The following FXYD7 variants were observed in gnomAD, a reference collection of about 807,000 sequenced individuals.
FXYD7 encodes FXYD domain-containing ion transport regulator 7.
A neutral mutation model predicts 15.3 loss-of-function variants in FXYD7; 7 were observed. The observed-to-expected ratio is 0.46, with a 90% CI of 0.26 to 0.86. FXYD7 has a LOEUF of 0.86. Among genes scored for constraint, FXYD7 ranks in the 40% least tolerant of loss-of-function variants. The pLI is 0.16. For synonymous variants in FXYD7, 39 were observed against 39.3 expected (o/e 0.99, Z 0.03); for missense variants, 78 against 100.6 (o/e 0.78, Z 0.96).
chr19:35,148,614 A>C, intron 1 of FXYD7, 80 bp from the exon 2 acceptor site: 2 of 1,243,348 alleles, frequency 1.6e-6, no homozygotes, highest in Non-Finnish European at 1.1e-6. Flanking sequence ...CAGTGGCTCC[A>C]TCTGGATCCT....
At chr19:35,149,338 G>C in intron 2 of FXYD7, 1 of 325,950 alleles carries the variant, frequency 3.1e-6, no homozygotes, top group South Asian at 2.6e-5. Context: ...GGACCTTTGC[G>C]TGTGCTATGA....
chr19:35,148,557 C>T (rs2065298597), intron 1 of FXYD7, 137 bp from the exon 2 acceptor site: 2 of 721,720 alleles, frequency 2.8e-6, no homozygotes, highest in African/African-American at 3.6e-5. Flanking sequence ...GCCACATCAT[C>T]CAAACCAAGG....
In FXYD7 at chr19:35,153,974, G is replaced by C. The variant is rs1390915685; in HGVS notation, c.*58G>C. 16 of 1,561,634 alleles carry C rather than the reference G, an allele frequency of 1.0e-5. No individual in the cohort carries two copies. The highest frequency in any genetic ancestry group is 1.4e-5 in the African/African-American group (1 of 73,732). On this transcript the variant is annotated 3_prime_UTR_variant, in exon 6 of 6. Coordinates refer to ENST00000270310, the MANE Select transcript of FXYD7 (RefSeq NM_022006.2). ...GCCTGAGCGCGGGAGCCTGAGGACC[G>C]GGTGGAGGCGGTGGGGACCCAGCCG...
chr19:35,146,446 A>G (rs1387835855), intron 1 of FXYD7, among the ~76,000 whole-genome samples: 4 of 152,282 alleles, frequency 2.6e-5, no homozygotes, highest in Admixed American at 1.3e-4. Flanking sequence ...TGGAAAATTC[A>G]TCTTCTTTTT....
chr19:35,151,703 A>T, intron 5 of FXYD7, 30 bp downstream of exon 5: 1 of 1,457,640 alleles, frequency 6.9e-7, no homozygotes, highest in South Asian at 1.1e-5. Context: ...TGGTTCTGGG[A>T]GAGTTTTAGG....
chr19:35,151,234 T>C lies in FXYD7; in HGVS notation c.62-20T>C, dbSNP rs2145398752. 2.0e-6 allele frequency: 3 copies of C among 1,518,390 alleles called. No homozygotes were observed. The highest frequency in any genetic ancestry group is 2.2e-5 in the East Asian group (1 of 44,474). The allele number at this position is 1,518,390 out of a possible 1,614,324, so 94.1% of individuals were successfully genotyped here. On this transcript the variant is annotated intron_variant, in intron 2 of 5. Coordinates refer to ENST00000270310, the MANE Select transcript of FXYD7 (RefSeq NM_022006.2). ...CCAAGGTGCTGTCCCTGCCTCGATG[T>C]CCCCCATTATCTTCCCCAGACTACA...
At chr19:35,151,575 C>T (rs372801986) in intron 4 of FXYD7, 58 bp from the exon 5 acceptor site, 18 of 1,596,122 alleles carry the variant, frequency 1.1e-5, no homozygotes, top group African/African-American at 4.0e-5. Flanking sequence ...GCGTTTTCCC[C>T]AAAGCCTATG....
chr19:35,148,879 A>C lies in FXYD7; in HGVS notation c.61+156A>C, dbSNP rs377289031. On this transcript the variant is annotated intron_variant, in intron 2 of 5. Transcript: ENST00000270310. The stretch of plus-strand genomic sequence containing the variant: ...GGTGTGGTTCACATCAGCTGAGTTC[A>C]TGGAGGGCAGAACCAGATGGGGGAG... 5.4e-4 allele frequency: 415 copies of C among 772,826 alleles called. 1 individual carries two copies. In the African/African-American group the frequency reaches 5.6e-3, roughly 10 times the overall value. The allele number at this position is 772,826 out of a possible 1,614,324, so 47.9% of individuals were successfully genotyped here.
chr19:35,154,065 G>A lies in FXYD7; in HGVS notation c.*149G>A. On this transcript the variant is annotated 3_prime_UTR_variant, in exon 6 of 6. Coordinates refer to ENST00000270310, the MANE Select transcript of FXYD7 (RefSeq NM_022006.2). ...CCCAAGGCTGGAGCCGCTGCACCCT[G>A]CTGTCCCTCTCCAGGCCTTGGCAAT... is the stretch of plus-strand genomic sequence containing the variant. 3.0e-6 allele frequency: 2 copies of A among 676,716 alleles called. No homozygotes were observed. The highest frequency in any genetic ancestry group is 3.5e-5 in the South Asian group (2 of 57,374). The allele number at this position is 676,716 out of a possible 1,614,324, so 41.9% of individuals were successfully genotyped here. A position where few individuals can be genotyped will look rare whatever the true frequency, so the allele number is the denominator to read the frequency against.
chr19:35,143,342 C>T lies in FXYD7; in HGVS notation c.9C>T (p.Thr3=). MA[T]PTQTPTKAPE... ...CCCTGCTCCGGCCCAGCATGGCGAC[C>T]CCGACCCAGACCCCCACAAAGGGTG... Residue 3 remains threonine (T), a synonymous_variant, in exon 1 of 6, where the codon ACC becomes ACT. Transcript: ENST00000270310. The surrounding 1 kb of genome is among the most constrained non-coding windows in gnomAD (Gnocchi z 4.3). 1 of 1,528,914 alleles carries T rather than the reference C, an allele frequency of 6.5e-7. No individual in the cohort carries two copies. Among genetic ancestry groups the T allele is most frequent in the Middle Eastern group, 1.7e-4 (1 of 5,790 alleles). 94.7% of individuals were successfully genotyped at this position (1,528,914 alleles called of 1,614,324 possible).
At chr19:35,144,454 G>C (rs937185365) in intron 1 of FXYD7, among the ~76,000 whole-genome samples, 2 of 152,320 alleles carry the variant, frequency 1.3e-5, no homozygotes, top group Admixed American at 6.5e-5. Context: ...GCAAGGCACA[G>C]ACTGCTTCAA....
chr19:35,148,310 AG>A lies in FXYD7; in HGVS notation c.32-383del, dbSNP rs988368108. On this transcript the variant is annotated intron_variant, in intron 1 of 5. Coordinates refer to ENST00000270310, the MANE Select transcript of FXYD7 (RefSeq NM_022006.2). ...AAGCTGAGACATTCATTGGTTCACC[AG>A]TGGAAATGGGGTCTGTTTTAACCTC... is the stretch of plus-strand genomic sequence containing the variant. Among the ~76,000 whole-genome samples, 74 of 152,318 alleles carry A rather than the reference AG, an allele frequency of 4.9e-4. 1 individual carries two copies. The highest frequency in any genetic ancestry group is 3.4e-3 in the Middle Eastern group (1 of 294).
chr19:35,144,870 C>CG (rs2145394015), intron 1 of FXYD7, among the ~76,000 whole-genome samples: 1 of 152,138 alleles, frequency 6.6e-6, no homozygotes, highest in East Asian at 1.9e-4. Context: ...CGGGAAACCC[C>CG]GGGGGAGGAA....
intron 5 of FXYD7, among the ~76,000 whole-genome samples, chr19:35,152,163 G>GAAAAAAAAAAAAAAA (rs1555737446): frequency 9.9e-6 from 1 of 100,888 alleles, no homozygotes; most frequent in Non-Finnish European, 2.0e-5. Context: ...AAAGAGGAAG[G>GAAAAAAAAAAAAAAA]AAGAAATGAA....
rs1405412576 is a variant in FXYD7, at chr19:35,154,291, T to G, written c.*375T>G. ...TTGAGCTTAATAAATGTGCATTTGGTTTTTTCCTCTGTTCTGTCTGTGTGT... is the reference window on the plus strand; with the variant it reads ...TTGAGCTTAATAAATGTGCATTTGGGTTTTTCCTCTGTTCTGTCTGTGTGT... On this transcript the variant is annotated 3_prime_UTR_variant, in exon 6 of 6. Transcript: ENST00000270310. The G allele has an allele frequency of 9.4e-6, 3 of 317,712 alleles. No individual in the cohort carries two copies. The highest frequency in any genetic ancestry group is 1.8e-5 in the Non-Finnish European group (3 of 170,568). The allele number at this position is 317,712 out of a possible 1,614,324, so 19.7% of individuals were successfully genotyped here. A position where few individuals can be genotyped will look rare whatever the true frequency, so the allele number is the denominator to read the frequency against.
intron 5 of FXYD7, among the ~76,000 whole-genome samples, chr19:35,152,895 G>A (rs1295433610): frequency 1.7e-5 from 2 of 116,398 alleles, no homozygotes; most frequent in African/African-American, 6.1e-5. Flanking sequence ...ACTTGTAAAA[G>A]AACAGAAATG....
rs114848191 is a variant in FXYD7 at position 35,144,655 on chromosome 19, G to A, written c.31+1291G>A. On this transcript the variant is annotated intron_variant, in intron 1 of 5. Coordinates refer to ENST00000270310, the MANE Select transcript of FXYD7 (RefSeq NM_022006.2). ...CCGAAGCAGGGCGGGGGGTGGGGGG[G>A]GCTGCAGAGGCTGGAAGCTACCCTA... Among the ~76,000 whole-genome samples the A allele has an allele frequency of 4.8e-3, 691 of 145,386 alleles. 5 individuals are homozygous for A. Among genetic ancestry groups the A allele is most frequent in the African/African-American group, 0.016 (656 of 40,434 alleles).
At chr19:35,149,338 G>A (rs988630180) in intron 2 of FXYD7, 5 of 325,832 alleles carry the variant, frequency 1.5e-5, no homozygotes, top group Non-Finnish European at 2.4e-5. Context: ...GGACCTTTGC[G>A]TGTGCTATGA....
In FXYD7 at chr19:35,151,459, G is replaced by A. The variant is rs1305481902; in HGVS notation, c.156G>A (p.Arg52=). 10 of 1,614,082 alleles carry A rather than the reference G, an allele frequency of 6.2e-6. No individual in the cohort carries two copies. The East Asian group carries it at 8.9e-5, about 14-fold the overall frequency. ...CAACAGGCAAGAAGGTGAAGTGCAG[G>A]AAGGCGGACTCCAGGTCTGAGAGGT... The part of the protein sequence containing the change: ...LIVISKKVKC[R]KADSRSESPT... The change falls in exon 4 of 6, where the codon AGG becomes AGA. Residue 52 remains arginine (R), a synonymous_variant. Coordinates refer to ENST00000270310, the MANE Select transcript of FXYD7 (RefSeq NM_022006.2).
Sources: gnomAD v4.1 joint callset for allele counts (sites outside exome capture counted in the v4.1 genomes callset) on GRCh38, gnomAD v4.1.1 for gene constraint, Gnocchi (gnomAD v3.1) non-coding constraint, MANE v1.5 for transcripts, NCBI Gene and HGNC (gene_info 2026-07-23, HGNC 2026-07-21) for gene names.